Variants in NEGR1 observed in about 807,000 individuals in gnomAD.
NEGR1 encodes the protein neuronal growth regulator 1.
A neutral mutation model predicts 40.9 loss-of-function variants in NEGR1; 10 were observed. The ratio of observed to expected loss-of-function variants is 0.24; its 90% CI spans 0.15 to 0.42. NEGR1 has a LOEUF of 0.42. NEGR1 is among the 10% of genes least tolerant of loss of function. The pLI, the probability that NEGR1 is intolerant of heterozygous loss-of-function variation, is 1.00. For missense variants in NEGR1, 352 were observed against 438.9 expected (o/e 0.80, Z 1.77); for synonymous variants, 185 against 166.8 (o/e 1.11, Z -0.84).
At chr1:72,128,911 G>A (rs1451808764) in intron 1 of NEGR1, among the ~76,000 whole-genome samples, 2 of 152,124 alleles carry the variant, frequency 1.3e-5, no homozygotes, top group African/African-American at 2.4e-5. Context: ...AGAGAAGGAA[G>A]GGAGGACTGG....
chr1:71,745,912 G>A (rs1655365932), intron 3 of NEGR1, among the ~76,000 whole-genome samples: 1 of 152,088 alleles, frequency 6.6e-6, no homozygotes, highest in Admixed American at 6.6e-5. Context: ...TAATTAAGAT[G>A]TTCATTCCAA....
At chr1:72,055,357 C>G (rs1192330743) in intron 1 of NEGR1, among the ~76,000 whole-genome samples, 1 of 151,072 alleles carries the variant, frequency 6.6e-6, no homozygotes, top group African/African-American at 2.4e-5. Context: ...AAATTACTCC[C>G]TTATATTGAA....
intron 6 of NEGR1, among the ~76,000 whole-genome samples, chr1:71,586,437 T>G (rs1274068310): frequency 6.6e-6 from 1 of 152,176 alleles, no homozygotes; most frequent in African/African-American, 2.4e-5. Context: ...CATTAAGAGT[T>G]TGCATAGGTT....
In NEGR1 at chr1:72,225,668, C is replaced by T. The variant is rs138603442; in HGVS notation, c.176+56651G>A. 7.6e-3 allele frequency among the ~76,000 whole-genome samples: 1,155 copies of T among 151,434 alleles called. 52 individuals carry two copies. The highest frequency in any genetic ancestry group is 0.06 in the Admixed American group (910 of 15,182). The stretch of plus-strand genomic sequence containing the variant: ...GCATATATTCAACATCATTAATGGG[C>T]ATTTAGTACATTTTTAACTGATACC... On this transcript the variant is annotated intron_variant, in intron 1 of 6. Coordinates refer to ENST00000357731, the MANE Select transcript of NEGR1 (RefSeq NM_173808.3).
intron 2 of NEGR1, among the ~76,000 whole-genome samples, chr1:71,818,829 T>C (rs1179579434): frequency 1.3e-5 from 2 of 151,948 alleles, no homozygotes; most frequent in Non-Finnish European, 2.9e-5. Flanking sequence ...ATGGAGATAT[T>C]AATAAAACAC....
At chr1:72,093,730 A>C (rs955340184) in intron 1 of NEGR1, among the ~76,000 whole-genome samples, 1 of 152,142 alleles carries the variant, frequency 6.6e-6, no homozygotes, top group Non-Finnish European at 1.5e-5. Context: ...TTTTACTAAC[A>C]CTTCAGCTTG....
rs1646277275 is a variant in NEGR1, at chr1:71,406,267, C to G, written c.*1179G>C. 6.6e-6 allele frequency: 1 copy of G among 151,968 alleles called. No homozygotes were observed. The highest frequency in any genetic ancestry group is 1.5e-5 in the Non-Finnish European group (1 of 67,854). The allele number at this position is 151,968 out of a possible 1,614,324, so 9.4% of individuals were successfully genotyped here. On this transcript the variant is annotated 3_prime_UTR_variant, in exon 7 of 7. Coordinates refer to ENST00000357731, the MANE Select transcript of NEGR1 (RefSeq NM_173808.3). ...TGGAAGTTTTAAAATATATAACATG[C>G]ATTCCAGACTATCAACTGAGTGATA...
chr1:72,120,444 C>T (rs1319783612), intron 1 of NEGR1, among the ~76,000 whole-genome samples: 1 of 151,954 alleles, frequency 6.6e-6, no homozygotes, highest in Non-Finnish European at 1.5e-5. Flanking sequence ...AAATTAGCCA[C>T]CAAATACAAA....
intron 2 of NEGR1, among the ~76,000 whole-genome samples, chr1:71,778,182 T>G (rs1385627088): frequency 1.3e-5 from 2 of 151,926 alleles, no homozygotes; most frequent in Non-Finnish European, 2.9e-5. Flanking sequence ...TACATATATA[T>G]ATATAGAGAG....
At chr1:71,678,372 A>T (rs1217367223) in intron 4 of NEGR1, among the ~76,000 whole-genome samples, 3 of 152,206 alleles carry the variant, frequency 2.0e-5, no homozygotes, top group Non-Finnish European at 2.9e-5. Flanking sequence ...CTGTTTTGTC[A>T]GTTAATTATA....
intron 6 of NEGR1, among the ~76,000 whole-genome samples, chr1:71,576,852 G>A (rs1207648023): frequency 6.6e-6 from 1 of 152,104 alleles, no homozygotes; most frequent in Non-Finnish European, 1.5e-5. Context: ...TTGATGCTTT[G>A]AACTGAAGTG....
chr1:72,105,462 G>A (rs1367578760), intron 1 of NEGR1, among the ~76,000 whole-genome samples: 4 of 151,910 alleles, frequency 2.6e-5, no homozygotes, highest in Non-Finnish European at 4.4e-5. Context: ...GCACTTTGGT[G>A]GGGGGCCGAG....
At chr1:72,076,785 C>T (rs1266338725) in intron 1 of NEGR1, among the ~76,000 whole-genome samples, 1 of 151,056 alleles carries the variant, frequency 6.6e-6, no homozygotes, top group Non-Finnish European at 1.5e-5. Context: ...AGAATCTTGA[C>T]TAATACATTA....
chr1:71,795,039 C>G (rs1442285500), intron 2 of NEGR1, among the ~76,000 whole-genome samples: 2 of 151,944 alleles, frequency 1.3e-5, no homozygotes, highest in African/African-American at 4.8e-5. Context: ...TAAAATGTCA[C>G]AACTTGAAAT....
At chr1:71,489,075 A>G (rs1646907347) in intron 6 of NEGR1, among the ~76,000 whole-genome samples, 1 of 151,678 alleles carries the variant, frequency 6.6e-6, no homozygotes, top group African/African-American at 2.4e-5. Context: ...CCTGTTGGAG[A>G]ATTACTTCTT....
intron 2 of NEGR1, among the ~76,000 whole-genome samples, chr1:71,828,983 A>C (rs1358017224): frequency 6.6e-6 from 1 of 151,908 alleles, no homozygotes; most frequent in African/African-American, 2.4e-5. Flanking sequence ...AAACACTATC[A>C]CGTTTGGAAA....
chr1:71,904,054 A>G (rs1279316586), intron 2 of NEGR1, among the ~76,000 whole-genome samples: 1 of 151,946 alleles, frequency 6.6e-6, no homozygotes. Context: ...ACTCTGTTAC[A>G]TATTATATTA....
chr1:72,258,308 A>G (rs956893142), intron 1 of NEGR1, among the ~76,000 whole-genome samples: 2 of 152,216 alleles, frequency 1.3e-5, no homozygotes, highest in African/African-American at 4.8e-5. Context: ...ACTAAGAATT[A>G]TATGGCTAGA....
intron 2 of NEGR1, among the ~76,000 whole-genome samples, chr1:71,910,574 C>T (rs1456826188): frequency 4.6e-5 from 7 of 152,122 alleles, no homozygotes; most frequent in East Asian, 1.9e-4. Context: ...ACTCTGCCTA[C>T]CATTACTGTT....
Sources: gnomAD v4.1 joint callset for allele counts (sites outside exome capture counted in the v4.1 genomes callset) on GRCh38, gnomAD v4.1.1 for gene constraint, MANE v1.5 for transcripts, NCBI Gene and HGNC (gene_info 2026-07-23, HGNC 2026-07-21) for gene names.